Variants in RABGAP1L observed in about 807,000 individuals in gnomAD.
The protein encoded by RABGAP1L is RAB GTPase activating protein 1 like, also known as rab GTPase-activating protein 1-like.
A neutral mutation model predicts 137.7 loss-of-function variants in RABGAP1L; 63 were observed. The ratio of observed to expected loss-of-function variants is 0.46; its 90% confidence interval spans 0.37 to 0.56. RABGAP1L has a LOEUF of 0.56. Among genes scored for constraint, RABGAP1L ranks in the 20% least tolerant of loss-of-function variants. RABGAP1L has a pLI of 0.00. For missense variants in RABGAP1L, 1,095 were observed against 1,244.0 expected (o/e 0.88, Z 1.80); for synonymous variants, 431 against 433.7 (o/e 0.99, Z 0.08).
chr1:174,563,044 A>G (rs1667331560), intron 13 of RABGAP1L, among the ~76,000 whole-genome samples: 1 of 152,200 alleles, frequency 6.6e-6, no homozygotes, highest in African/African-American at 2.4e-5. Context: ...TATCATTTAC[A>G]TATCATCTGT....
intron 13 of RABGAP1L, among the ~76,000 whole-genome samples, chr1:174,398,405 C>T (rs922759254): frequency 3.3e-5 from 5 of 152,052 alleles, no homozygotes; most frequent in East Asian, 1.9e-4. Flanking sequence ...GGCCAGCCTA[C>T]GTCATGAGTC....
chr1:174,596,761 C>T (rs1212126620), intron 13 of RABGAP1L, among the ~76,000 whole-genome samples: 3 of 152,038 alleles, frequency 2.0e-5, no homozygotes, highest in Non-Finnish European at 4.4e-5. Flanking sequence ...TGTTGAATAA[C>T]GGTGGTGAAA....
At chr1:174,792,506 T>C (rs1340635535) in intron 18 of RABGAP1L, among the ~76,000 whole-genome samples, 1 of 152,138 alleles carries the variant, frequency 6.6e-6, no homozygotes, top group Non-Finnish European at 1.5e-5. Context: ...TTAATTGAGG[T>C]GACTCTTATA....
intron 11 of RABGAP1L, among the ~76,000 whole-genome samples, chr1:174,333,507 G>A (rs1681215036): frequency 6.6e-6 from 1 of 152,188 alleles, no homozygotes; most frequent in African/African-American, 2.4e-5. Flanking sequence ...GCTGAGTGAA[G>A]AGCTCAGCAA....
intron 1 of RABGAP1L, among the ~76,000 whole-genome samples, chr1:174,198,123 T>C (rs1273785309): frequency 1.3e-5 from 2 of 152,224 alleles, no homozygotes; most frequent in African/African-American, 2.4e-5. Context: ...CTGTTCTAAT[T>C]ATAGTCTAAT....
chr1:174,852,948 A>G (rs1170769022), intron 19 of RABGAP1L, among the ~76,000 whole-genome samples: 1 of 152,220 alleles, frequency 6.6e-6, no homozygotes, highest in African/African-American at 2.4e-5. Context: ...GTTTCTTTAA[A>G]GATAATATTG....
At chr1:174,759,284 A>T (rs1399750836) in intron 18 of RABGAP1L, among the ~76,000 whole-genome samples, 10 of 35,378 alleles carry the variant, frequency 2.8e-4, no homozygotes, top group Non-Finnish European at 4.2e-4. Flanking sequence ...TAATTTATTT[A>T]AAAAAAAAAA....
intron 13 of RABGAP1L, among the ~76,000 whole-genome samples, chr1:174,607,903 T>G (rs935665694): frequency 6.6e-6 from 1 of 152,226 alleles, no homozygotes; most frequent in Non-Finnish European, 1.5e-5. Flanking sequence ...AACTACAGTG[T>G]GATGACTTGC....
Position 174,272,765 on chromosome 1 carries a change from A to G in RABGAP1L, c.1053+285A>G, listed in dbSNP as rs1248056172. On this transcript the variant is annotated intron_variant, in intron 8 of 25. Transcript: ENST00000681986. ...AAAGATATCTTTTCTTTGAACCTGT[A>G]GTAACAAGTACATGATTATAACAAG... 2.6e-5 allele frequency among the ~76,000 whole-genome samples: 4 copies of G among 152,008 alleles called. No homozygotes were observed. In the East Asian group the frequency reaches 7.7e-4, roughly 29 times the overall value.
Position 174,989,806 on chromosome 1 carries a change from G to T in RABGAP1L, c.3004-43G>T. The T allele has an allele frequency of 4.6e-6, 7 of 1,533,300 alleles. No homozygotes were observed. The South Asian group carries it at 8.4e-5, about 18-fold the overall frequency. 95.0% of individuals were successfully genotyped at this position (1,533,300 alleles called of 1,614,324 possible). On this transcript the variant is annotated intron_variant, in intron 25 of 25. Transcript: ENST00000681986. ...ACTTTTATTTATTTATTGGCAAAGA[G>T]AAAACATTTATTTAACTCAGATGAT...
intron 17 of RABGAP1L, among the ~76,000 whole-genome samples, chr1:174,726,794 A>G (rs1409819757): frequency 1.3e-5 from 2 of 152,204 alleles, no homozygotes; most frequent in Non-Finnish European, 2.9e-5. Flanking sequence ...GTCAAAATAC[A>G]TGAAATGAAA....
intron 14 of RABGAP1L, among the ~76,000 whole-genome samples, chr1:174,682,898 TGA>T (rs1230631806): frequency 6.6e-6 from 1 of 152,200 alleles, no homozygotes; most frequent in Non-Finnish European, 1.5e-5. Flanking sequence ...GTATGTAGCA[TGA>T]GGCTGTCAGC....
intron 13 of RABGAP1L, among the ~76,000 whole-genome samples, chr1:174,572,526 G>A (rs1668058277): frequency 6.6e-6 from 1 of 151,948 alleles, no homozygotes; most frequent in Non-Finnish European, 1.5e-5. Context: ...AGGACTACAG[G>A]CATGCACCAC....
At chr1:174,224,696 T>C (rs759524709) in intron 3 of RABGAP1L, among the ~76,000 whole-genome samples, 8 of 152,082 alleles carry the variant, frequency 5.3e-5, no homozygotes, top group Non-Finnish European at 1.0e-4. Flanking sequence ...TACATATACA[T>C]ACATTGAAAA....
intron 13 of RABGAP1L, among the ~76,000 whole-genome samples, chr1:174,596,789 G>C (rs561858149): frequency 5.9e-4 from 90 of 152,242 alleles, no homozygotes; most frequent in Admixed American, 5.8e-3. Flanking sequence ...TCTTTGTCTT[G>C]TTCCAGATCT....
intron 13 of RABGAP1L, among the ~76,000 whole-genome samples, chr1:174,619,526 A>C (rs546634686): frequency 6.6e-6 from 1 of 152,220 alleles, no homozygotes; most frequent in Non-Finnish European, 1.5e-5. Flanking sequence ...AGAATTTCAT[A>C]TCCAGCCAAA....
At chr1:174,714,467 C>CA (rs1278732175) in intron 17 of RABGAP1L, among the ~76,000 whole-genome samples, 5 of 152,138 alleles carry the variant, frequency 3.3e-5, no homozygotes, top group African/African-American at 4.8e-5. Flanking sequence ...TAGACATACT[C>CA]AAAGTATCTG....
At chr1:174,193,467 G>C (rs886974230) in intron 1 of RABGAP1L, among the ~76,000 whole-genome samples, 4 of 152,190 alleles carry the variant, frequency 2.6e-5, no homozygotes, top group African/African-American at 9.6e-5. Flanking sequence ...GGGAGGTGGA[G>C]GTTGCAGTGA....
chr1:174,413,431 T>G (rs1650176182), intron 13 of RABGAP1L, among the ~76,000 whole-genome samples: 1 of 152,220 alleles, frequency 6.6e-6, no homozygotes, highest in Non-Finnish European at 1.5e-5. Flanking sequence ...TGCTTTGAAT[T>G]CTTTCTGTCA....
Sources: allele counts gnomAD v4.1 joint callset (sites outside exome capture counted in the v4.1 genomes callset), GRCh38; gene constraint gnomAD v4.1.1; transcripts MANE v1.5; gene names NCBI Gene and HGNC (gene_info 2026-07-23, HGNC 2026-07-21).